The following OVCH1 variants were observed in gnomAD, a reference collection of about 807,000 sequenced individuals.
The protein encoded by OVCH1 is ovochymase 1.
OVCH1 carries 139 observed loss-of-function variants against 138.4 expected under a neutral mutation model. That is an observed-to-expected ratio of 1.00 (90% CI 0.87 to 1.16). The LOEUF (loss-of-function observed/expected upper bound fraction) is 1.16. OVCH1 is among the 50% of genes most tolerant of loss of function. The pLI is 0.00. For synonymous variants in OVCH1, 453 were observed against 467.8 expected, an observed-to-expected ratio of 0.97 and a Z score of 0.41; for missense variants, 1,367 against 1,357.9, an observed-to-expected ratio of 1.01 and a Z score of -0.11.
the OVCH1 span, among the ~76,000 whole-genome samples, chr12:29,407,000 A>G: frequency 6.6e-6 from 1 of 151,588 alleles, no homozygotes; most frequent in African/African-American, 2.4e-5. Context: ...TTGCCATTCT[A>G]ACTGGTGTGA....
chr12:29,415,543 A>G (rs1427385430), intron 3 of OVCH1, among the ~76,000 whole-genome samples: 1 of 151,600 alleles, frequency 6.6e-6, no homozygotes, highest in Non-Finnish European at 1.5e-5. Context: ...AACCCTAACA[A>G]AATACCATTT....
intron 22 of OVCH1, among the ~76,000 whole-genome samples, chr12:29,450,083 A>G (rs1393950792): frequency 6.6e-6 from 1 of 152,184 alleles, no homozygotes; most frequent in African/African-American, 2.4e-5. Flanking sequence ...AACCTAGGCA[A>G]TACCATTCAG....
At position 29,496,666 on chromosome 12, in the gene OVCH1, A is replaced by C. The variant is rs770044924; in HGVS notation, c.73T>G (p.Cys25Gly). Residue 25 changes from cysteine (C) to glycine (G), a missense_variant, in exon 2 of 28, where the codon TGT becomes GGT. Physicochemically the swap from Cys to Gly is radical, Grantham distance 159 (BLOSUM62 -3). Transcript: ENST00000318184. ...TTCATGTTGACCATGCGAATTCCAC[A>C]CTTCAGTCCTGTGTAGAAGAGCATG... 1.9e-6 allele frequency: 3 copies of C among 1,608,866 alleles called. No individual in the cohort carries two copies. The South Asian group carries it at 3.3e-5, about 18-fold the overall frequency.
At chr12:29,497,653 A>G in exon 1 of OVCH1, 1 of 1,613,942 alleles carries the variant, frequency 6.2e-7, no homozygotes, top group Non-Finnish European at 8.5e-7. Context: ...ATGACCAGCA[A>G]CAGCAACAAA....
chr12:29,407,930 T>A (rs1408428976), downstream of OVCH1, among the ~76,000 whole-genome samples: 3 of 149,072 alleles, frequency 2.0e-5, no homozygotes, highest in African/African-American at 2.4e-5. Context: ...TGATTCTTCC[T>A]ACCCATGAGC....
intron 19 of OVCH1, 96 bp downstream of exon 19, chr12:29,461,758 A>G: frequency 6.9e-7 from 1 of 1,453,764 alleles, no homozygotes; most frequent in East Asian, 2.3e-5. Flanking sequence ...AGCACGTGAC[A>G]AGTTGGTGAT....
chr12:29,441,970 C>G (rs1246976075), intron 25 of OVCH1, among the ~76,000 whole-genome samples: 1 of 151,932 alleles, frequency 6.6e-6, no homozygotes, highest in Non-Finnish European at 1.5e-5. Flanking sequence ...AGTCAGGAAA[C>G]AACAGGTGCT....
In OVCH1 at chr12:29,462,022, A is replaced by G; in HGVS notation, c.2126-14T>C. 1 of 1,607,572 alleles carries G rather than the reference A, an allele frequency of 6.2e-7. No homozygotes were observed. The highest frequency in any genetic ancestry group is 8.5e-7 in the Non-Finnish European group (1 of 1,175,018). On this transcript the variant is annotated splice_polypyrimidine_tract_variant and intron_variant, in intron 18 of 27. Transcript: ENST00000318184. ...CTAGGCCACCATCTAATGAAGAAACATTCAGAGAGAGCTCGATGATGAAGT... is the reference window on the plus strand; with the variant it reads ...CTAGGCCACCATCTAATGAAGAAACGTTCAGAGAGAGCTCGATGATGAAGT...
chr12:29,414,195 T>C (rs1442911817), intron 3 of OVCH1, among the ~76,000 whole-genome samples: 2 of 151,986 alleles, frequency 1.3e-5, no homozygotes, highest in African/African-American at 4.8e-5. Context: ...CCTGCTAATT[T>C]TTGTATTTTT....
At chr12:29,475,189 G>A (rs1942662296) in exon 14 of OVCH1, 4 of 1,449,312 alleles carry the variant, frequency 2.8e-6, no homozygotes, top group South Asian at 2.9e-5. Flanking sequence ...ACAAAGTTTA[G>A]CTGAAAAAAT....
At chr12:29,417,783 G>GTC (rs1447109274) in intron 3 of OVCH1, among the ~76,000 whole-genome samples, 380 of 121,034 alleles carry the variant, frequency 3.1e-3, no homozygotes, top group Non-Finnish European at 5.5e-3. Flanking sequence ...GTGTGTGTGT[G>GTC]TGTGTGTGTG....
In OVCH1 at chr12:29,454,828, A is replaced by T. The variant is rs1941899015; in HGVS notation, c.2530+13T>A. Reference sequence around the variant, plus strand: ...GCTGAAAGTATTAATGGGATAATGTAAACATTTATTACCTGGCCAAGATGC... The same window carrying T: ...GCTGAAAGTATTAATGGGATAATGTTAACATTTATTACCTGGCCAAGATGC... On this transcript the variant is annotated intron_variant, in intron 21 of 27. Coordinates refer to ENST00000318184, the Ensembl canonical transcript of OVCH1. 1.3e-6 allele frequency: 2 copies of T among 1,591,196 alleles called. No homozygotes were observed. The highest frequency in any genetic ancestry group is 1.7e-6 in the Non-Finnish European group (2 of 1,160,662).
At chr12:29,416,636 T>A (rs78999720) in intron 3 of OVCH1, among the ~76,000 whole-genome samples, 2 of 152,114 alleles carry the variant, frequency 1.3e-5, no homozygotes, top group South Asian at 2.1e-4. Flanking sequence ...AACATTTTTT[T>A]AAAAAAGAAT....
At position 29,495,464 on chromosome 12, in the gene OVCH1, C is replaced by T; in HGVS notation, c.282-7G>A. 6.2e-7 allele frequency: 1 copy of T among 1,609,766 alleles called. No homozygotes were observed. Among genetic ancestry groups the T allele is most frequent in the Non-Finnish European group, 8.5e-7 (1 of 1,178,586 alleles). On this transcript the variant is annotated splice_region_variant and splice_polypyrimidine_tract_variant and intron_variant, in intron 3 of 27. Transcript: ENST00000318184. ...TATATTCTTCAGCTGCTTCCTAAAA[C>T]CAAAGAAAAATGTTTCATAAGTAGT... is the stretch of plus-strand genomic sequence containing the variant.
At chr12:29,447,991 G>A (rs1941665789) in intron 22 of OVCH1, among the ~76,000 whole-genome samples, 2 of 151,672 alleles carry the variant, frequency 1.3e-5, no homozygotes, top group Non-Finnish European at 2.9e-5. Flanking sequence ...CCATAATCAT[G>A]AAAAAATCAT....
At chr12:29,431,575 T>C (rs372732112) in intron 27 of OVCH1, among the ~76,000 whole-genome samples, 175 of 104,800 alleles carry the variant, frequency 1.7e-3, no homozygotes, top group African/African-American at 7.1e-3. Context: ...TCCCCCTATT[T>C]AATTTATTGT....
chr12:29,455,215 G>A (rs933221897), intron 20 of OVCH1, 34 bp downstream of exon 20: 8 of 1,601,384 alleles, frequency 5.0e-6, no homozygotes, highest in Non-Finnish European at 6.8e-6. Flanking sequence ...AAAGAAAGAG[G>A]TTATTGTTTT....
chr12:29,497,269 C>CAAAACAAAACAAAACA (rs139600534), intron 1 of OVCH1, among the ~76,000 whole-genome samples: 20 of 151,750 alleles, frequency 1.3e-4, no homozygotes, highest in African/African-American at 4.9e-4. Flanking sequence ...CTCAAACAAA[C>CAAAACAAAACAAAACA]AAACAAAACA....
At chr12:29,468,084 GATATA>G (rs1942379449) in intron 16 of OVCH1, among the ~76,000 whole-genome samples, 1 of 152,222 alleles carries the variant, frequency 6.6e-6, no homozygotes, top group East Asian at 1.9e-4. Flanking sequence ...ATAATTATAA[GATATA>G]ATGTTATGTG....
Sources: gnomAD v4.1 joint callset for allele counts (sites outside exome capture counted in the v4.1 genomes callset) on GRCh38, gnomAD v4.1.1 for gene constraint, MANE v1.5 for transcripts, NCBI Gene and HGNC (gene_info 2026-07-23, HGNC 2026-07-21) for gene names.